RYR1: variants seen among roughly 807,000 people sequenced by gnomAD.
The protein encoded by RYR1 is ryanodine receptor 1.
Under a neutral mutation model 583.5 loss-of-function variants are expected in RYR1, and 342 were observed. The ratio of observed to expected loss-of-function variants is 0.59; its 90% confidence interval spans 0.54 to 0.64. The LOEUF is 0.64. Ranked by LOEUF, RYR1 falls within the 30% of genes least tolerant of loss-of-function variation. The pLI is 0.00. For missense variants in RYR1, 6,032 were observed against 6,917.2 expected, an observed-to-expected ratio of 0.87 and a Z score of 4.54; for synonymous variants, 2,791 against 2,822.5, an observed-to-expected ratio of 0.99 and a Z score of 0.35.
intron 71 of RYR1, 118 bp from the exon 72 acceptor site, chr19:38,526,874 AC>A: frequency 1.6e-5 from 17 of 1,061,198 alleles, no homozygotes; most frequent in Non-Finnish European, 2.3e-5. Context: ...TCAGACCCCC[AC>A]CCCCACCCCA....
intron 65 of RYR1, 99 bp downstream of exon 65, chr19:38,516,316 C>A: frequency 7.1e-7 from 1 of 1,405,668 alleles, no homozygotes; most frequent in Non-Finnish European, 9.7e-7. Context: ...CTGGGCTGGG[C>A]TGTGAGCGGC....
intron 102 of RYR1, 121 bp from the exon 103 acceptor site, chr19:38,585,817 G>A (rs1974459726): frequency 2.5e-6 from 3 of 1,208,224 alleles, no homozygotes; most frequent in African/African-American, 3.0e-5. Context: ...TAGGAAGCGA[G>A]ATTAGGGGTG....
Position 38,469,388 on chromosome 19 carries a change from G to A in RYR1, c.3640G>A (p.Ala1214Thr). The A allele has an allele frequency of 1.2e-6, 2 of 1,614,080 alleles. No individual in the cohort carries two copies. Among genetic ancestry groups the A allele is most frequent in the Non-Finnish European group, 1.7e-6 (2 of 1,180,018 alleles). ...GQDVSSLRFF[A>T]ICGLQEGFEP... ...GGACGTGAGCTCTCTGAGGTTCTTT[G>A]CCATCTGTGGCCTCCAGGAAGGCTT... The change falls in exon 27 of 106, where the codon GCC becomes ACC. Residue 1214 changes from alanine to threonine, a missense_variant. Around this residue, in one of 11 missense-constraint regions of RYR1, gnomAD observed 2,627 missense variants for 2,961.3 expected, o/e 0.89. Coordinates refer to ENST00000359596, the MANE Select transcript of RYR1 (RefSeq NM_000540.3).
At position 38,561,051 on chromosome 19, in the gene RYR1, A is replaced by C. The variant is rs1973109573; in HGVS notation, c.12283-62A>C. 2.7e-6 allele frequency: 4 copies of C among 1,456,942 alleles called. No individual in the cohort carries two copies. Among genetic ancestry groups the C allele is most frequent in the Admixed American group, 4.4e-5 (2 of 45,376 alleles). 90.3% of individuals were successfully genotyped at this position (1,456,942 alleles called of 1,614,324 possible). A position where few individuals can be genotyped will look rare whatever the true frequency, so the allele number is the denominator to read the frequency against. On this transcript the variant is annotated intron_variant, in intron 89 of 105. Transcript: ENST00000359596. The surrounding 1 kb of genome is among the most constrained non-coding windows in gnomAD (Gnocchi z 4.8). Reference sequence around the variant, plus strand: ...GCGAGACCTTGTCTTAAAAAAAAAAAAAAAAAGAGAGAGAATTGAGGCTCT... The same window carrying C: ...GCGAGACCTTGTCTTAAAAAAAAAACAAAAAAGAGAGAGAATTGAGGCTCT...
In RYR1 at chr19:38,534,732, G is replaced by T; in HGVS notation, c.11272G>T (p.Glu3758Ter). The change falls in exon 79 of 106, where the codon GAG becomes TAG. Residue 3758 changes from glutamate (E) to a stop codon, truncating the protein, a stop_gained. Coordinates refer to ENST00000359596, the MANE Select transcript of RYR1 (RefSeq NM_000540.3). LOFTEE classifies it high-confidence loss of function. ...VEVSFEEKQM[E>*]KQRLLYQQAR... ...CCTCCCTTCCCAGGAGAAACAGATG[G>T]AGAAGCAGAGGCTCTTGTACCAGCA... The T allele has an allele frequency of 6.2e-7, 1 of 1,613,970 alleles. No individual in the cohort carries two copies. The highest frequency in any genetic ancestry group is 1.1e-5 in the South Asian group (1 of 90,970).
chr19:38,444,661 C>T lies in RYR1; in HGVS notation c.615C>T (p.Cys205=), dbSNP rs1172856572. 4 of 1,613,654 alleles carry T rather than the reference C, an allele frequency of 2.5e-6. No individual in the cohort carries two copies. Among genetic ancestry groups the T allele is most frequent in the Non-Finnish European group, 3.4e-6 (4 of 1,179,768 alleles). The change falls in exon 7 of 106, where the codon TGC becomes TGT. Residue 205 remains cysteine (C), a synonymous_variant. Transcript: ENST00000359596. This position sits in a 1 kb window ranked among gnomAD's most constrained non-coding sequence, Gnocchi z 5.1. ...MQTLWNMNPI[C]SRCEEGFVTG... is the part of the protein sequence containing the mutation. Reference sequence around the variant, plus strand: ...CACTATGGAACATGAACCCCATCTGCTCCCGCTGCGAAGAGGGTGAGGGCC... The same window carrying T: ...CACTATGGAACATGAACCCCATCTGTTCCCGCTGCGAAGAGGGTGAGGGCC...
At chr19:38,464,098 A>C (rs1366716350) in intron 22 of RYR1, among the ~76,000 whole-genome samples, 4 of 151,776 alleles carry the variant, frequency 2.6e-5, no homozygotes, top group Non-Finnish European at 5.9e-5. Flanking sequence ...CCAACATGGC[A>C]AAACCCCGTC....
Position 38,446,601 on chromosome 19 carries a change from G to A in RYR1, c.725+36G>A, listed in dbSNP as rs202144860. The stretch of plus-strand genomic sequence containing the variant: ...TGGACGAGAGGGCCTGGGGTCTAGG[G>A]GTGGACGTGGAGGGCTGGGACCCTA... On this transcript the variant is annotated intron_variant, in intron 8 of 105. Coordinates refer to ENST00000359596, the MANE Select transcript of RYR1 (RefSeq NM_000540.3). The A allele has an allele frequency of 3.1e-6, 5 of 1,606,068 alleles. No individual in the cohort carries two copies. The African/African-American group carries it at 5.4e-5, about 17-fold the overall frequency.
In RYR1 at chr19:38,477,794, G is replaced by A. The variant is rs753735721; in HGVS notation, c.4378G>A (p.Asp1460Asn). The A allele has an allele frequency of 3.7e-5, 59 of 1,613,204 alleles. No homozygotes were observed. Among genetic ancestry groups the A allele is most frequent in the Admixed American group, 3.5e-4 (21 of 59,924 alleles). The change falls in exon 30 of 106, where the codon GAC (aspartate) becomes AAC (asparagine). Residue 1460 changes from aspartate (D) to asparagine (N), a missense_variant. By Grantham distance (23) the Asp-to-Asn change is conservative. Coordinates refer to ENST00000359596, the MANE Select transcript of RYR1 (RefSeq NM_000540.3). ...GGTCACCCCTGACTACCATCAGCAC[G>A]ACATGAGCTTCGACCTCAGCAAGGT... is the stretch of plus-strand genomic sequence containing the variant. The part of the protein sequence containing the change: ...GWVTPDYHQH[D>N]MSFDLSKVRV...
At chr19:38,566,854 G>T in intron 91 of RYR1, 57 bp from the exon 92 acceptor site, 1 of 1,563,634 alleles carries the variant, frequency 6.4e-7, no homozygotes, top group Non-Finnish European at 8.7e-7. Flanking sequence ...GAGCAGGCAG[G>T]CAGCCTGAGA....
Position 38,565,604 on chromosome 19 carries a change from G to A in RYR1, c.13270G>A (p.Glu4424Lys). Residue 4424 changes from glutamate (E) to lysine (K), a missense_variant, in exon 91 of 106, where the codon GAG becomes AAG. Glu to Lys is a moderately conservative substitution (Grantham distance 56). Around this residue, in one of 11 missense-constraint regions of RYR1, gnomAD observed 753 missense variants for 759.6 expected, o/e 0.99. Transcript: ENST00000359596. The surrounding 1 kb of genome is among the most constrained non-coding windows in gnomAD (Gnocchi z 4.7). ...CGCGGAGGGCGCTGGAGACGAGGAG[G>A]AGGCGGTGCACGAGGCCGGGCCGGG... ...DAAEGAGDEE[E>K]AVHEAGPGGA... 1 of 1,450,364 alleles carries A rather than the reference G, an allele frequency of 6.9e-7. No homozygotes were observed. Among genetic ancestry groups the A allele is most frequent in the South Asian group, 1.4e-5 (1 of 72,042 alleles). 89.8% of individuals were successfully genotyped at this position (1,450,364 alleles called of 1,614,324 possible).
chr19:38,506,407 T>C (rs766721711), intron 55 of RYR1, 30 bp downstream of exon 55: 27 of 1,613,304 alleles, frequency 1.7e-5, no homozygotes, highest in Non-Finnish European at 2.1e-5. Context: ...TGGGGGGACA[T>C]AGGGTGTCTT....
chr19:38,503,008 C>T (rs1970267329), intron 49 of RYR1, 38 bp downstream of exon 49: 3 of 1,592,738 alleles, frequency 1.9e-6, no homozygotes, highest in Non-Finnish European at 2.6e-6. Context: ...ATTTCCAGGC[C>T]GCACCCACTG....
In RYR1 at chr19:38,458,164, A is replaced by G; in HGVS notation, c.2039A>G (p.His680Arg). The change falls in exon 18 of 106, where the codon CAC becomes CGC. Residue 680 changes from histidine to arginine, a missense_variant. By Grantham distance (29) the His-to-Arg change is conservative (BLOSUM62 0). Coordinates refer to ENST00000359596, the MANE Select transcript of RYR1 (RefSeq NM_000540.3). ...CCATTTCTGACAGCTCAGGCCACCCACTTGCGGGTGGGCTGGGCCCTCACC... is the reference window on the plus strand; with the variant it reads ...CCATTTCTGACAGCTCAGGCCACCCGCTTGCGGGTGGGCTGGGCCCTCACC... ...VTPFLTAQAT[H>R]LRVGWALTEG... 6.2e-7 allele frequency: 1 copy of G among 1,613,942 alleles called. No homozygotes were observed. Among genetic ancestry groups the G allele is most frequent in the Non-Finnish European group, 8.5e-7 (1 of 1,179,998 alleles).
At chr19:38,490,858 ATGAATGAGTGAG>A (rs1969522355) in intron 37 of RYR1, 126 bp downstream of exon 37, 2 of 718,614 alleles carry the variant, frequency 2.8e-6, no homozygotes, top group East Asian at 5.3e-5. Context: ...GGTTGAATGA[ATGAATGAGTGAG>A]TGAATGAATG....
In RYR1 at chr19:38,505,380, C is replaced by T. The variant is rs146514343; in HGVS notation, c.8382C>T (p.Tyr2794=). Residue 2794 remains tyrosine, a synonymous_variant, in exon 53 of 106, where the codon TAC becomes TAT. Coordinates refer to ENST00000359596, the MANE Select transcript of RYR1 (RefSeq NM_000540.3). ...AGACCCACCCCATGCTGAGGCCCTA[C>T]AAGACCTTTTCAGAGAAGGTGACCA... ...ELKTHPMLRP[Y]KTFSEKDKEI... 2 of 1,610,486 alleles carry T rather than the reference C, an allele frequency of 1.2e-6. No individual in the cohort carries two copies. Among genetic ancestry groups the T allele is most frequent in the African/African-American group, 2.7e-5 (2 of 74,844 alleles).
chr19:38,505,237 G>A (rs752930166), intron 52 of RYR1, 72 bp from the exon 53 acceptor site: 43 of 1,221,738 alleles, frequency 3.5e-5, no homozygotes, highest in South Asian at 6.3e-5. Flanking sequence ...CTCTGTCCTC[G>A]GCTCCTCCAG....
Position 38,455,440 on chromosome 19 carries a change from T to TC in RYR1, c.1577-5dup, listed in dbSNP as rs1242843532. The TC allele has an allele frequency of 1.2e-6, 2 of 1,613,882 alleles. No homozygotes were observed. The highest frequency in any genetic ancestry group is 2.7e-5 in the African/African-American group (2 of 74,868). ...CAGTCCTATTGGATCTGACACCTCTTCCCCCCTCAGCTTCTCTAATCCGTG... is the reference window on the plus strand; with the variant it reads ...CAGTCCTATTGGATCTGACACCTCTTCCCCCCCTCAGCTTCTCTAATCCGTG... On this transcript the variant is annotated splice_polypyrimidine_tract_variant and intron_variant, in intron 14 of 105. Coordinates refer to ENST00000359596, the MANE Select transcript of RYR1 (RefSeq NM_000540.3).
rs4802472 is a variant in RYR1 at position 38,458,092 on chromosome 19, C to T, written c.1967C>T (p.Thr656Met). The stretch of plus-strand genomic sequence containing the variant: ...TTTGTGGGCCGAGCGGAAGGCACCA[C>T]GCAGTACAGCAAATGGTACTTTGAG... ...NIFVGRAEGT[T>M]QYSKWYFEVM... The change falls in exon 18 of 106, where the codon ACG (threonine) becomes ATG (methionine). Residue 656 changes from threonine to methionine, a missense_variant. Physicochemically the swap from Thr to Met is moderately conservative, Grantham distance 81. Transcript: ENST00000359596. The T allele has an allele frequency of 7.4e-6, 12 of 1,613,966 alleles. No individual in the cohort carries two copies. Among genetic ancestry groups the T allele is most frequent in the East Asian group, 2.2e-5 (1 of 44,874 alleles).
Sources: gnomAD v4.1 joint callset for allele counts (sites outside exome capture counted in the v4.1 genomes callset) on GRCh38, gnomAD v4.1.1 for gene constraint, gnomAD v4.1.1 regional missense constraint, Gnocchi (gnomAD v3.1) non-coding constraint, MANE v1.5 for transcripts, NCBI Gene and HGNC (gene_info 2026-07-23, HGNC 2026-07-21) for gene names.